The following UGT2A1 variants were observed in gnomAD, a reference collection of about 807,000 sequenced individuals.
UGT2A1 encodes the protein UDP glucuronosyltransferase family 2 member A1 complex locus.
UGT2A1 carries 61 observed loss-of-function variants against 45.4 expected under a neutral mutation model. The ratio of observed to expected loss-of-function variants is 1.34; its 90% confidence interval spans 1.09 to 1.66. The LOEUF is 1.66. UGT2A1 is among the 40% of genes most tolerant of loss of function. UGT2A1 has a pLI of 0.00. For synonymous variants in UGT2A1, 229 were observed against 196.2 expected (o/e 1.17, Z -1.40); for missense variants, 649 against 574.3 (o/e 1.13, Z -1.33).
At chr4:69,644,690 G>C (rs1314759857) in intron 2 of UGT2A1, among the ~76,000 whole-genome samples, 1 of 151,152 alleles carries the variant, frequency 6.6e-6, no homozygotes, top group African/African-American at 2.4e-5. Flanking sequence ...AGAATAGCTA[G>C]CTCTTCTTTT....
intron 1 of UGT2A1, among the ~76,000 whole-genome samples, chr4:69,652,973 C>T (rs1722609645): frequency 6.6e-6 from 1 of 152,136 alleles, no homozygotes; most frequent in Non-Finnish European, 1.5e-5. Flanking sequence ...ACACAGTTCC[C>T]TCGATATCTG....
rs887738186 is a variant in UGT2A1 at position 69,615,735 on chromosome 4, G to A, written c.848-16341C>T. 5.3e-5 allele frequency among the ~76,000 whole-genome samples: 8 copies of A among 151,706 alleles called. No individual in the cohort carries two copies. In the South Asian group the frequency reaches 6.2e-4, roughly 12 times the overall value. On this transcript the variant is annotated intron_variant, in intron 3 of 6. Transcript: ENST00000286604. ...GCAAAAACAAACAAGCAAACAAACAGACAGACAAAAAAACAGGCAATAACA... is the reference window on the plus strand; with the variant it reads ...GCAAAAACAAACAAGCAAACAAACAAACAGACAAAAAAACAGGCAATAACA...
chr4:69,626,836 T>C (rs1721087857), intron 3 of UGT2A1, among the ~76,000 whole-genome samples: 1 of 151,836 alleles, frequency 6.6e-6, no homozygotes, highest in African/African-American at 2.4e-5. Flanking sequence ...TTATTTTGCT[T>C]CTCAAATTGT....
intron 3 of UGT2A1, among the ~76,000 whole-genome samples, chr4:69,616,561 A>C (rs1208094540): frequency 6.6e-6 from 1 of 151,942 alleles, no homozygotes; most frequent in African/African-American, 2.4e-5. Context: ...CATGTACCCC[A>C]CCAACAAAAA....
intron 3 of UGT2A1, among the ~76,000 whole-genome samples, chr4:69,601,305 C>G (rs946516537): frequency 6.6e-6 from 1 of 152,144 alleles, no homozygotes; most frequent in Non-Finnish European, 1.5e-5. Context: ...ACTGACCCAG[C>G]CTCGTGTTCT....
At chr4:69,606,833 GA>G (rs1719655469) in intron 3 of UGT2A1, among the ~76,000 whole-genome samples, 1 of 136,358 alleles carries the variant, frequency 7.3e-6, no homozygotes, top group African/African-American at 3.0e-5. Flanking sequence ...TTGCTTCAAA[GA>G]GAATAAAATA....
intron 3 of UGT2A1, among the ~76,000 whole-genome samples, chr4:69,608,263 C>G (rs1021666300): frequency 4.4e-4 from 67 of 152,198 alleles, no homozygotes; most frequent in African/African-American, 1.6e-3. Context: ...AGTTCATGTC[C>G]TTTGCAGGGA....
Position 69,589,511 on chromosome 4 carries a change from G to T in UGT2A1, c.1445C>A (p.Thr482Asn). Residue 482 changes from threonine (T) to asparagine (N), a missense_variant, in exon 7 of 7, where the codon ACC becomes AAC. Physicochemically the swap from Thr to Asn is moderately conservative, Grantham distance 65. Coordinates refer to ENST00000286604, the MANE Select transcript of UGT2A1 (RefSeq NM_001252275.3). ...KHLRVAAHDL[T>N]WFQYHSLDVI... ...ATCCAAAGAGTGGTACTGGAACCAG[G>T]TGAGGTCATGGGCTGCAACCCGAAG... 1 of 1,614,086 alleles carries T rather than the reference G, an allele frequency of 6.2e-7. No individual in the cohort carries two copies.
chr4:69,598,552 G>T (rs1719068852), intron 4 of UGT2A1, among the ~76,000 whole-genome samples: 1 of 151,954 alleles, frequency 6.6e-6, no homozygotes, highest in Non-Finnish European at 1.5e-5. Flanking sequence ...TTTTATAATA[G>T]CTACTTTATG....
Position 69,647,401 on chromosome 4 carries a change from T to C in UGT2A1, c.244A>G (p.Arg82Gly). ...AAGTCCTTAATTACTCCTTCTATTC[T>C]TTCTTTGCCAAAGGGCACCTTATAT... ...EIYKVPFGKERIEGVIKDFVL... is the reference protein window; with the variant it reads ...EIYKVPFGKEGIEGVIKDFVL... Residue 82 changes from arginine (R) to glycine (G), a missense_variant, in exon 2 of 7, where the codon AGA (arginine) becomes GGA (glycine). Coordinates refer to ENST00000286604, the MANE Select transcript of UGT2A1 (RefSeq NM_001252275.3). 7 of 1,613,072 alleles carry C rather than the reference T, an allele frequency of 4.3e-6. No homozygotes were observed. The highest frequency in any genetic ancestry group is 5.9e-6 in the Non-Finnish European group (7 of 1,179,446).
chr4:69,620,161 G>A (rs1577977608), intron 3 of UGT2A1, among the ~76,000 whole-genome samples: 2 of 151,890 alleles, frequency 1.3e-5, no homozygotes, highest in East Asian at 3.9e-4. Flanking sequence ...AGAAATAAAA[G>A]GCATCCAAAT....
chr4:69,590,072 G>A (rs1718501189), intron 6 of UGT2A1, among the ~76,000 whole-genome samples: 1 of 152,172 alleles, frequency 6.6e-6, no homozygotes, highest in South Asian at 2.1e-4. Flanking sequence ...GACAGACAAA[G>A]GAAATTGGCA....
intron 3 of UGT2A1, among the ~76,000 whole-genome samples, chr4:69,622,465 G>T (rs1381015165): frequency 2.0e-5 from 3 of 151,632 alleles, no homozygotes; most frequent in African/African-American, 7.3e-5. Flanking sequence ...ATTTTTATGT[G>T]TAAGAAAACC....
In UGT2A1 at chr4:69,635,674, A is replaced by G; in HGVS notation, c.847+17T>C. The G allele has an allele frequency of 3.8e-6, 1 of 265,384 alleles. No individual in the cohort carries two copies. Among genetic ancestry groups the G allele is most frequent in the Non-Finnish European group, 7.6e-6 (1 of 131,944 alleles). The allele number at this position is 265,384 out of a possible 1,614,324, so 16.4% of individuals were successfully genotyped here. The stretch of plus-strand genomic sequence containing the variant: ...GTGAAACCTCGTCTCTATTAAAAAT[A>G]CAAAAATTAGCCTGACCTGCTGGCA... On this transcript the variant is annotated intron_variant, in intron 3 of 6. Coordinates refer to ENST00000286604, the MANE Select transcript of UGT2A1 (RefSeq NM_001252275.3).
rs767771388 is a variant in UGT2A1 at position 69,618,209 on chromosome 4, G to GTT, written c.847+17481_847+17482insAA. 5.8e-3 allele frequency among the ~76,000 whole-genome samples: 639 copies of GTT among 110,408 alleles called. 1 individual carries two copies. Among genetic ancestry groups the GTT allele is most frequent in the African/African-American group, 0.012 (366 of 30,456 alleles). The allele number at this position is 110,408 out of a possible 152,430, so 72.4% of individuals were successfully genotyped here. On this transcript the variant is annotated intron_variant, in intron 3 of 6. Transcript: ENST00000286604. ...AGCATGTGTGTGTGTGTGTGTGTGTGTGTGTGTATGTTTGTGTGTGTGTGT... is the reference window on the plus strand; with the variant it reads ...AGCATGTGTGTGTGTGTGTGTGTGTGTTTGTGTGTATGTTTGTGTGTGTGTGT...
At chr4:69,640,113 A>T (rs138565418) in intron 2 of UGT2A1, among the ~76,000 whole-genome samples, 1 of 152,094 alleles carries the variant, frequency 6.6e-6, no homozygotes, top group Non-Finnish European at 1.5e-5. Context: ...AGTTTCTTCC[A>T]TATGACACAG....
At chr4:69,613,665 T>G (rs1720200062) in intron 3 of UGT2A1, among the ~76,000 whole-genome samples, 2 of 152,132 alleles carry the variant, frequency 1.3e-5, no homozygotes, top group South Asian at 2.1e-4. Flanking sequence ...GCAAAAATTT[T>G]TCAACATATG....
chr4:69,620,088 C>T (rs1720654623), intron 3 of UGT2A1, among the ~76,000 whole-genome samples: 1 of 152,004 alleles, frequency 6.6e-6, no homozygotes, highest in Non-Finnish European at 1.5e-5. Context: ...CAAGTATGCC[C>T]TCTCTCACTA....
At chr4:69,616,295 A>T (rs527988522) in intron 3 of UGT2A1, among the ~76,000 whole-genome samples, 1 of 152,082 alleles carries the variant, frequency 6.6e-6, no homozygotes, top group East Asian at 1.9e-4. Flanking sequence ...TATAGTTAGA[A>T]TGAAAAAATC....
Sources: allele counts gnomAD v4.1 joint callset (sites outside exome capture counted in the v4.1 genomes callset), GRCh38; gene constraint gnomAD v4.1.1; transcripts MANE v1.5; gene names NCBI Gene and HGNC (gene_info 2026-07-23, HGNC 2026-07-21).